DNAJC2: variants seen among roughly 807,000 people sequenced by gnomAD.
DNAJC2 encodes DnaJ heat shock protein family (Hsp40) member C2, also known as dnaJ homolog subfamily C member 2.
Under a neutral mutation model 94.0 loss-of-function variants are expected in DNAJC2, and 32 were observed. The ratio of observed to expected loss-of-function variants is 0.34; its 90% CI spans 0.26 to 0.46. DNAJC2 has a LOEUF of 0.46. Ranked by LOEUF, DNAJC2 falls within the 20% of genes least tolerant of loss-of-function variation. The pLI is 1.00. For synonymous variants in DNAJC2, 210 were observed against 229.7 expected (o/e 0.91, Z 0.77); for missense variants, 550 against 719.5 (o/e 0.76, Z 2.69).
intron 3 of DNAJC2, among the ~76,000 whole-genome samples, chr7:103,333,822 T>C (rs1201661307): frequency 6.6e-6 from 1 of 152,232 alleles, no homozygotes; most frequent in Non-Finnish European, 1.5e-5. Flanking sequence ...TGGCAATTTG[T>C]TCTTTTAAAA....
chr7:103,312,527 A>G lies in DNAJC2; in HGVS notation c.*42T>C, dbSNP rs771370133. 5.0e-5 allele frequency: 79 copies of G among 1,592,990 alleles called. No individual in the cohort carries two copies. Among genetic ancestry groups the G allele is most frequent in the Non-Finnish European group, 6.6e-5 (77 of 1,173,388 alleles). On this transcript the variant is annotated 3_prime_UTR_variant, in exon 17 of 17. Transcript: ENST00000379263. ...TTTTAAGAATGAAAATGTTTACAGT[A>G]TTTTCAGTTTTATTATAAAAATGCA... is the stretch of plus-strand genomic sequence containing the variant.
intron 15 of DNAJC2, chr7:103,314,063 A>G: frequency 1.0e-6 from 1 of 985,442 alleles, no homozygotes; most frequent in Non-Finnish European, 1.2e-6. Context: ...CACCTATTCA[A>G]AACAAAGCAG....
chr7:103,312,938 G>A lies in DNAJC2; in HGVS notation c.1791+9C>T. The A allele has an allele frequency of 6.2e-7, 1 of 1,604,404 alleles. No individual in the cohort carries two copies. The highest frequency in any genetic ancestry group is 8.5e-7 in the Non-Finnish European group (1 of 1,177,674). ...AATACAACAATCTATAAACGCTTAAGTCTGCAACCTTGTATCGTTTCATGC... is the reference window on the plus strand; with the variant it reads ...AATACAACAATCTATAAACGCTTAAATCTGCAACCTTGTATCGTTTCATGC... On this transcript the variant is annotated intron_variant, in intron 16 of 16. Coordinates refer to ENST00000379263, the MANE Select transcript of DNAJC2 (RefSeq NM_014377.3).
In DNAJC2 at chr7:103,332,304, G is replaced by A. The variant is rs1276584506; in HGVS notation, c.332-4550C>T. Among the ~76,000 whole-genome samples the A allele has an allele frequency of 3.9e-5, 6 of 152,010 alleles. No homozygotes were observed. The East Asian group carries it at 7.7e-4, about 19-fold the overall frequency. Reference sequence around the variant, plus strand: ...ATAGGCGTGAGCCACTGCACCCAGCGAATTTGCTATTATTTTTAACATTTT... The same window carrying A: ...ATAGGCGTGAGCCACTGCACCCAGCAAATTTGCTATTATTTTTAACATTTT... On this transcript the variant is annotated intron_variant, in intron 3 of 16. Transcript: ENST00000379263.
At position 103,312,971 on chromosome 7, in the gene DNAJC2, C is replaced by T; in HGVS notation, c.1767G>A (p.Lys589=). The change falls in exon 16 of 17, where the codon AAG becomes AAA. Residue 589 remains lysine (K), a synonymous_variant. Transcript: ENST00000379263. ...KIAEAVPGRT[K]KDCMKRYKEL... The stretch of plus-strand genomic sequence containing the variant: ...CCTTGTATCGTTTCATGCAGTCCTT[C>T]TTTGTCCTGCCAGGCACCGCTTCTG... The T allele has an allele frequency of 6.2e-7, 1 of 1,613,870 alleles. No homozygotes were observed. The highest frequency in any genetic ancestry group is 8.5e-7 in the Non-Finnish European group (1 of 1,179,894).
chr7:103,323,062 T>C (rs982838213), intron 7 of DNAJC2, among the ~76,000 whole-genome samples: 1 of 152,060 alleles, frequency 6.6e-6, no homozygotes, highest in African/African-American at 2.4e-5. Context: ...CCGGAGTAGC[T>C]GGAATTACAG....
At chr7:103,338,052 G>C (rs771996950) in intron 2 of DNAJC2, among the ~76,000 whole-genome samples, 2 of 152,032 alleles carry the variant, frequency 1.3e-5, no homozygotes, top group Non-Finnish European at 2.9e-5. Context: ...GATTGCTTGA[G>C]CCCAGGAATA....
intron 3 of DNAJC2, chr7:103,337,064 A>G (rs1441688868): frequency 1.3e-5 from 2 of 152,194 alleles, no homozygotes; most frequent in African/African-American, 2.4e-5. Flanking sequence ...AGGGCAGAAC[A>G]TTCTCCTAAG....
At chr7:103,316,619 A>C in intron 13 of DNAJC2, 1 of 499,884 alleles carries the variant, frequency 2.0e-6, no homozygotes, top group Non-Finnish European at 3.5e-6. Context: ...CTGAGAAACA[A>C]GTATTCTGTC....
intron 3 of DNAJC2, among the ~76,000 whole-genome samples, chr7:103,331,095 T>C (rs1818950655): frequency 6.6e-6 from 1 of 151,926 alleles, no homozygotes; most frequent in Non-Finnish European, 1.5e-5. Flanking sequence ...TATCTGGGAT[T>C]ACAGGCACCT....
intron 6 of DNAJC2, 146 bp from the exon 7 acceptor site, chr7:103,323,809 G>A (rs1818554661): frequency 4.8e-6 from 3 of 627,130 alleles, no homozygotes; most frequent in Non-Finnish European, 4.7e-6. Flanking sequence ...CTTTTTTAAG[G>A]ACATTGCATT....
At chr7:103,314,236 T>C (rs1367793877) in intron 15 of DNAJC2, 3 of 985,410 alleles carry the variant, frequency 3.0e-6, no homozygotes, top group Non-Finnish European at 3.6e-6. Flanking sequence ...GGAAGTGACA[T>C]GGCAGTATTT....
At chr7:103,316,526 A>C (rs1818065006) in intron 13 of DNAJC2, 1 of 277,444 alleles carries the variant, frequency 3.6e-6, no homozygotes, top group South Asian at 1.1e-4. Flanking sequence ...TAAAAGAAAA[A>C]CTACAGAAAA....
At chr7:103,319,039 C>T (rs1053167259) in intron 12 of DNAJC2, among the ~76,000 whole-genome samples, 1 of 152,124 alleles carries the variant, frequency 6.6e-6, no homozygotes, top group African/African-American at 2.4e-5. Context: ...CAGCGAAACC[C>T]TGTCTCTAGT....
chr7:103,331,667 T>C (rs934785568), intron 3 of DNAJC2, among the ~76,000 whole-genome samples: 3 of 152,196 alleles, frequency 2.0e-5, no homozygotes, highest in Non-Finnish European at 4.4e-5. Flanking sequence ...TCCAGTTCCA[T>C]CTATATTTCT....
intron 3 of DNAJC2, among the ~76,000 whole-genome samples, chr7:103,334,532 C>T (rs1024455141): frequency 2.0e-5 from 3 of 150,122 alleles, no homozygotes; most frequent in African/African-American, 7.4e-5. Context: ...GCCAAGATCA[C>T]GCGACTGCAC....
At chr7:103,323,869 C>T (rs572131837) in intron 6 of DNAJC2, among the ~76,000 whole-genome samples, 8 of 152,212 alleles carry the variant, frequency 5.3e-5, no homozygotes, top group South Asian at 2.1e-4. Flanking sequence ...AAAACCACAC[C>T]GCCCTGCTAT....
At chr7:103,317,492 C>A (rs1818134766) in intron 12 of DNAJC2, 1 of 153,206 alleles carries the variant, frequency 6.5e-6, no homozygotes, top group Non-Finnish European at 1.5e-5. Context: ...AAAAAAAGAA[C>A]CTTTATTTGC....
At chr7:103,344,480 G>A (rs1372161530) in intron 1 of DNAJC2, 79 bp downstream of exon 1, 4 of 1,530,578 alleles carry the variant, frequency 2.6e-6, no homozygotes, top group Admixed American at 1.7e-5. Context: ...AGGGTAGAGA[G>A]AGCCCAGGGT....
Sources: allele counts gnomAD v4.1 joint callset (sites outside exome capture counted in the v4.1 genomes callset), GRCh38; gene constraint gnomAD v4.1.1; transcripts MANE v1.5; gene names NCBI Gene and HGNC (gene_info 2026-07-23, HGNC 2026-07-21).